PDCD4: variants seen among roughly 807,000 people sequenced by gnomAD.
PDCD4 encodes the protein programmed cell death 4, also known as programmed cell death protein 4.
Under a neutral mutation model 54.0 loss-of-function variants are expected in PDCD4, and 56 were observed. The observed-to-expected ratio is 1.04, with a 90% CI of 0.84 to 1.30. PDCD4 has a LOEUF of 1.30. Ranked by LOEUF, PDCD4 falls within the 50% of genes most tolerant of loss-of-function variation. The pLI is 0.00. For synonymous variants in PDCD4, 186 were observed against 194.8 expected (o/e 0.95, Z 0.37); for missense variants, 584 against 559.8 (o/e 1.04, Z -0.44).
chr10:110,885,711 CCT>C (rs1845661214), intron 5 of PDCD4, among the ~76,000 whole-genome samples: 1 of 151,630 alleles, frequency 6.6e-6, no homozygotes, highest in South Asian at 2.1e-4. Flanking sequence ...CCCCCCGAAA[CCT>C]CTTCAGGGAT....
intron 8 of PDCD4, among the ~76,000 whole-genome samples, chr10:110,891,560 C>T (rs78632252): frequency 0.058 from 8,868 of 151,596 alleles, 302 homozygotes; most frequent in East Asian, 0.098. Context: ...TAAGAAAAGG[C>T]ATGCAACTAG....
Position 110,894,151 on chromosome 10 carries a change from C to T in PDCD4, c.1051C>T (p.Leu351Phe). The T allele has an allele frequency of 6.2e-7, 1 of 1,608,936 alleles. No homozygotes were observed. Among genetic ancestry groups the T allele is most frequent in the Non-Finnish European group, 8.5e-7 (1 of 1,175,514 alleles). ...AGACATATCTGAAGCTGAACATTGCCTTAAGGAACTGGAAGTACCTCATTT... is the reference window on the plus strand; with the variant it reads ...AGACATATCTGAAGCTGAACATTGCTTTAAGGAACTGGAAGTACCTCATTT... ...SGDISEAEHC[L>F]KELEVPHFHH... The change falls in exon 9 of 12, where the codon CTT (leucine) becomes TTT (phenylalanine). Residue 351 changes from leucine to phenylalanine, a missense_variant. By Grantham distance (22) the Leu-to-Phe change is conservative. Coordinates refer to ENST00000280154, the MANE Select transcript of PDCD4 (RefSeq NM_014456.5).
chr10:110,885,415 A>C (rs1845655841), intron 5 of PDCD4, 49 bp downstream of exon 5: 1 of 808,518 alleles, frequency 1.2e-6, no homozygotes, highest in South Asian at 1.6e-5. Flanking sequence ...GAGAGAAGAC[A>C]TCTTTTATAA....
At chr10:110,894,219 C>T in intron 9 of PDCD4, 21 bp downstream of exon 9, 1 of 1,313,546 alleles carries the variant, frequency 7.6e-7, no homozygotes, top group Non-Finnish European at 1.1e-6. Context: ...CTTGCCATGT[C>T]AAAGATAATT....
chr10:110,873,715 A>C (rs1845458826), intron 1 of PDCD4, among the ~76,000 whole-genome samples: 1 of 152,240 alleles, frequency 6.6e-6, no homozygotes, highest in South Asian at 2.1e-4. Context: ...CTACTACTTT[A>C]AAGAGCGTAA....
At chr10:110,894,249 AC>A in intron 9 of PDCD4, 51 bp downstream of exon 9, 1 of 1,046,672 alleles carries the variant, frequency 9.6e-7, no homozygotes, top group Non-Finnish European at 1.5e-6. Context: ...TCCTTTTTGT[AC>A]TGTAGCGACT....
intron 7 of PDCD4, 77 bp downstream of exon 7, chr10:110,889,707 T>C: frequency 1.2e-6 from 1 of 805,850 alleles, no homozygotes; most frequent in Non-Finnish European, 2.2e-6. Context: ...ATGACACTTG[T>C]GTTAATCAGA....
intron 8 of PDCD4, among the ~76,000 whole-genome samples, 193 bp from the exon 9 acceptor site, chr10:110,893,898 A>G (rs1421240541): frequency 6.6e-6 from 1 of 152,118 alleles, no homozygotes; most frequent in Non-Finnish European, 1.5e-5. Context: ...ATTATGAACC[A>G]TTTAAAAATT....
chr10:110,898,902 T>C lies in PDCD4; in HGVS notation c.*814T>C, dbSNP rs1253476559. 6.6e-6 allele frequency: 1 copy of C among 152,394 alleles called. No individual in the cohort carries two copies. Among genetic ancestry groups the C allele is most frequent in the African/African-American group, 2.4e-5 (1 of 41,456 alleles). The allele number at this position is 152,394 out of a possible 1,614,324, so 9.4% of individuals were successfully genotyped here. A position where few individuals can be genotyped will look rare whatever the true frequency, so the allele number is the denominator to read the frequency against. ...ACAAAATTTTAAGTGAAAAATACAATAGTAAATTAAGATTACACTGGGGAA... is the reference window on the plus strand; with the variant it reads ...ACAAAATTTTAAGTGAAAAATACAACAGTAAATTAAGATTACACTGGGGAA... On this transcript the variant is annotated 3_prime_UTR_variant, in exon 12 of 12. Transcript: ENST00000280154.
chr10:110,873,982 A>C (rs1228414608), intron 1 of PDCD4, among the ~76,000 whole-genome samples: 1 of 152,218 alleles, frequency 6.6e-6, no homozygotes, highest in African/African-American at 2.4e-5. Context: ...GAACAGCAGA[A>C]GTCTGTTTTA....
intron 6 of PDCD4, among the ~76,000 whole-genome samples, chr10:110,888,832 T>C (rs1845709697): frequency 6.6e-6 from 1 of 152,222 alleles, no homozygotes; most frequent in South Asian, 2.1e-4. Flanking sequence ...TAAGTAATGC[T>C]GTGAACATAC....
intron 4 of PDCD4, among the ~76,000 whole-genome samples, chr10:110,883,476 C>T (rs1473845251): frequency 6.6e-6 from 1 of 151,598 alleles, no homozygotes; most frequent in Non-Finnish European, 1.5e-5. Context: ...ACATGCGCAT[C>T]TTTCTTTTAG....
chr10:110,888,143 T>A (rs968256718), intron 6 of PDCD4, among the ~76,000 whole-genome samples: 14 of 152,228 alleles, frequency 9.2e-5, no homozygotes, highest in Middle Eastern at 3.4e-3. Flanking sequence ...AGGTAATTTT[T>A]TTTTTTTTGC....
chr10:110,886,065 A>G (rs1422709725), intron 5 of PDCD4, among the ~76,000 whole-genome samples: 1 of 152,186 alleles, frequency 6.6e-6, no homozygotes, highest in African/African-American at 2.4e-5. Context: ...TAGGATTTGA[A>G]TATAAGACAA....
intron 7 of PDCD4, among the ~76,000 whole-genome samples, chr10:110,889,889 T>A (rs140999612): frequency 6.6e-6 from 1 of 152,332 alleles, no homozygotes; most frequent in East Asian, 1.9e-4. Flanking sequence ...TCAGTTTCTT[T>A]ATTTATGAAA....
chr10:110,899,073 G>C lies in PDCD4; in HGVS notation c.*985G>C, dbSNP rs1244565042. 6.6e-6 allele frequency: 1 copy of C among 152,158 alleles called. No individual in the cohort carries two copies. The highest frequency in any genetic ancestry group is 1.5e-5 in the Non-Finnish European group (1 of 67,986). The allele number at this position is 152,158 out of a possible 1,614,324, so 9.4% of individuals were successfully genotyped here. A position where few individuals can be genotyped will look rare whatever the true frequency, so the allele number is the denominator to read the frequency against. ...ATGTTACAAAAAGTTATACTCCAGA[G>C]ACCCAAAGCTTGACATTTACCTAAT... On this transcript the variant is annotated 3_prime_UTR_variant, in exon 12 of 12. Coordinates refer to ENST00000280154, the MANE Select transcript of PDCD4 (RefSeq NM_014456.5).
In PDCD4 at chr10:110,888,169, T is replaced by C. The variant is rs574323781; in HGVS notation, c.777+283T>C. Reference sequence around the variant, plus strand: ...TTTTTTTTGCCATATATATAGTCTTTGTTATATGTAGTTGTTTTATTAGCT... The same window carrying C: ...TTTTTTTTGCCATATATATAGTCTTCGTTATATGTAGTTGTTTTATTAGCT... On this transcript the variant is annotated intron_variant, in intron 6 of 11. Transcript: ENST00000280154. Among the ~76,000 whole-genome samples the C allele has an allele frequency of 6.6e-5, 10 of 152,160 alleles. No homozygotes were observed. In the South Asian group the frequency reaches 2.1e-3, roughly 32 times the overall value.
intron 10 of PDCD4, among the ~76,000 whole-genome samples, chr10:110,895,050 A>G (rs1845811186): frequency 6.6e-6 from 1 of 151,948 alleles, no homozygotes; most frequent in African/African-American, 2.4e-5. Flanking sequence ...TAGCTATGTA[A>G]CCAGTTTTAC....
At chr10:110,896,687 TAATG>T (rs770301943) in intron 11 of PDCD4, among the ~76,000 whole-genome samples, 4 of 152,196 alleles carry the variant, frequency 2.6e-5, no homozygotes, top group African/African-American at 4.8e-5. Context: ...TTAAAGCTAA[TAATG>T]AAGCTTATAA....
Sources: gnomAD v4.1 joint callset for allele counts (sites outside exome capture counted in the v4.1 genomes callset) on GRCh38, gnomAD v4.1.1 for gene constraint, MANE v1.5 for transcripts, NCBI Gene and HGNC (gene_info 2026-07-23, HGNC 2026-07-21) for gene names.